NAF1: variants seen among roughly 807,000 people sequenced by gnomAD.
The protein encoded by NAF1 is H/ACA ribonucleoprotein complex non-core subunit NAF1.
Under a neutral mutation model 40.6 loss-of-function variants are expected in NAF1, and 11 were observed. The ratio of observed to expected loss-of-function variants is 0.27; its 90% CI spans 0.17 to 0.45. The LOEUF (loss-of-function observed/expected upper bound fraction) is 0.45, where lower values mean the gene tolerates loss of function less well. Among genes scored for constraint, NAF1 ranks in the 20% least tolerant of loss-of-function variants. NAF1 has a pLI of 1.00. For synonymous variants in NAF1, 260 were observed against 228.5 expected (o/e 1.14, Z -1.24); for missense variants, 607 against 611.1 (o/e 0.99, Z 0.07).
intron 4 of NAF1, among the ~76,000 whole-genome samples, chr4:163,144,556 A>G (rs1731383938): frequency 6.6e-6 from 1 of 152,176 alleles, no homozygotes; most frequent in Non-Finnish European, 1.5e-5. Context: ...ATACTTTCTA[A>G]TCTCTACTCC....
chr4:163,145,839 T>A lies in NAF1; in HGVS notation c.660A>T (p.Leu220=). 1 of 1,570,822 alleles carries A rather than the reference T, an allele frequency of 6.4e-7. No homozygotes were observed. Among genetic ancestry groups the A allele is most frequent in the Non-Finnish European group, 8.7e-7 (1 of 1,147,334 alleles). The part of the protein sequence containing the change: ...QLVIIESMTN[L]PPVNEETVIF... ...TTACAGTCTCCTCATTAACTGGAGGTAGGTTAGTCATAGATTCAATTATTA... is the reference window on the plus strand; with the variant it reads ...TTACAGTCTCCTCATTAACTGGAGGAAGGTTAGTCATAGATTCAATTATTA... The change falls in exon 4 of 8, where the codon CTA becomes CTT. Residue 220 remains leucine (L), a synonymous_variant. Transcript: ENST00000274054.
intron 2 of NAF1, among the ~76,000 whole-genome samples, chr4:163,152,518 A>T (rs1731751611): frequency 6.6e-6 from 1 of 152,192 alleles, no homozygotes; most frequent in Non-Finnish European, 1.5e-5. Context: ...CATGTTTCCA[A>T]CCTATGTACT....
chr4:163,162,532 T>C, intron 2 of NAF1, among the ~76,000 whole-genome samples: 1 of 152,198 alleles, frequency 6.6e-6, no homozygotes, highest in East Asian at 1.9e-4. Context: ...AACATTCAAA[T>C]GGAATTTTGT....
intron 2 of NAF1, among the ~76,000 whole-genome samples, chr4:163,119,192 T>A (rs1393956435): frequency 1.3e-5 from 2 of 152,212 alleles, no homozygotes; most frequent in African/African-American, 4.8e-5. Context: ...GGGCATTTTT[T>A]AACTATTTGT....
chr4:163,117,575 C>A (rs946531195), intron 2 of NAF1: 16 of 151,174 alleles, frequency 1.1e-4, no homozygotes, highest in African/African-American at 3.4e-4. Flanking sequence ...AGATGGCTTT[C>A]TCATCCTGAA....
rs962127339 is a variant in NAF1 at position 163,133,004 on chromosome 4, C to T, written c.1033+150G>A. On this transcript the variant is annotated intron_variant, in intron 7 of 7. Transcript: ENST00000274054. ...ACTGCTTAAGCTCATAAAACTACCA[C>T]ACCTCCTGCTATGTAATGGCTCTAA... The T allele has an allele frequency of 1.9e-5, 12 of 620,332 alleles. No individual in the cohort carries two copies. In the South Asian group the frequency reaches 3.1e-4, roughly 16 times the overall value. The allele number at this position is 620,332 out of a possible 1,614,324, so 38.4% of individuals were successfully genotyped here.
chr4:163,132,146 A>G (rs1000963799), intron 7 of NAF1, among the ~76,000 whole-genome samples: 11 of 152,254 alleles, frequency 7.2e-5, no homozygotes, highest in Admixed American at 2.0e-4. Context: ...GCTGAAGAAC[A>G]GTATGGTAGT....
downstream of NAF1, among the ~76,000 whole-genome samples, chr4:163,124,333 T>A (rs1482047680): frequency 6.6e-6 from 1 of 152,148 alleles, no homozygotes; most frequent in Non-Finnish European, 1.5e-5. Context: ...GAATACTGAG[T>A]CTTCTTCACA....
chr4:163,115,302 A>G (rs1041175462), intron 2 of NAF1, among the ~76,000 whole-genome samples: 2 of 139,232 alleles, frequency 1.4e-5, no homozygotes, highest in Non-Finnish European at 3.0e-5. Flanking sequence ...TCCGCCTCCC[A>G]GGTTCACGCC....
chr4:163,135,098 T>A (rs1007748865), intron 6 of NAF1: 1 of 152,208 alleles, frequency 6.6e-6, no homozygotes, highest in Non-Finnish European at 1.5e-5. Flanking sequence ...AAGATGAACA[T>A]GATACAACCG....
downstream of NAF1, chr4:163,127,073 G>A (rs1203547269): frequency 6.4e-7 from 1 of 1,551,614 alleles, no homozygotes; most frequent in Non-Finnish European, 8.7e-7. Flanking sequence ...TGACTGCAAT[G>A]GTCTGGATCC....
intron 2 of NAF1, among the ~76,000 whole-genome samples, chr4:163,121,062 TTG>T (rs1438265634): frequency 2.6e-5 from 4 of 152,024 alleles, no homozygotes; most frequent in Admixed American, 6.6e-5. Context: ...CAGCTAATTT[TTG>T]TGTTTTAGTA....
chr4:163,126,888 C>A, downstream of NAF1: 1 of 1,447,430 alleles, frequency 6.9e-7, no homozygotes, highest in Non-Finnish European at 9.1e-7. Context: ...AAGACTGTAA[C>A]TCACTGCAGG....
chr4:163,104,003 TA>T, the NAF1 span, among the ~76,000 whole-genome samples: 1 of 149,564 alleles, frequency 6.7e-6, no homozygotes, highest in Non-Finnish European at 1.5e-5. Context: ...AGAAGGGAGA[TA>T]GGGGTGGGGC....
At position 163,129,291 on chromosome 4, in the gene NAF1, T is replaced by A. The variant is rs762057137; in HGVS notation, c.1091A>T (p.His364Leu). ...TTCTCTGTTACGATATCCTTTTGCA[T>A]GCTCTGAAGCAGAGCTATGAGCATT... ...NWNAHSSASE[H>L]AKGYRNREFT... The change falls in exon 8 of 8, where the codon CAT (histidine) becomes CTT (leucine). Residue 364 changes from histidine to leucine, a missense_variant. By Grantham distance (99) the His-to-Leu change is moderately conservative. This residue lies in a region of NAF1 where 189 missense variants were observed against 216.6 expected (regional missense o/e 0.87). Coordinates refer to ENST00000274054, the MANE Select transcript of NAF1 (RefSeq NM_138386.3). The A allele has an allele frequency of 6.2e-7, 1 of 1,614,170 alleles. No homozygotes were observed.
At chr4:163,153,259 T>A (rs1731805837) in intron 2 of NAF1, among the ~76,000 whole-genome samples, 2 of 152,176 alleles carry the variant, frequency 1.3e-5, no homozygotes, top group Admixed American at 6.5e-5. Flanking sequence ...GGCAGGCAGC[T>A]CCACCTGCAG....
chr4:163,132,063 C>A (rs1028717944), intron 7 of NAF1, among the ~76,000 whole-genome samples: 1 of 152,084 alleles, frequency 6.6e-6, no homozygotes, highest in Admixed American at 6.6e-5. Flanking sequence ...AGTGATAACA[C>A]CAAATGCTGG....
intron 2 of NAF1, among the ~76,000 whole-genome samples, chr4:163,152,945 C>A (rs564030371): frequency 6.6e-6 from 1 of 152,208 alleles, no homozygotes; most frequent in Non-Finnish European, 1.5e-5. Context: ...TCAGAGCAGC[C>A]GGCCAGCCCT....
At chr4:163,108,147 G>T (rs1197632258), downstream of NAF1, among the ~76,000 whole-genome samples, 1 of 152,044 alleles carries the variant, frequency 6.6e-6, no homozygotes, top group Non-Finnish European at 1.5e-5. Flanking sequence ...ACTTATTTGG[G>T]CTTTCTGAAA....
Sources: allele counts gnomAD v4.1 joint callset (sites outside exome capture counted in the v4.1 genomes callset), GRCh38; gene constraint gnomAD v4.1.1; regional missense constraint gnomAD v4.1.1; transcripts MANE v1.5; gene names NCBI Gene and HGNC (gene_info 2026-07-23, HGNC 2026-07-21).